ADD2: variants seen among roughly 807,000 people sequenced by gnomAD.
ADD2 encodes beta-adducin.
A neutral mutation model predicts 83.0 loss-of-function variants in ADD2; 23 were observed. That is an observed-to-expected ratio of 0.28 (90% confidence interval 0.20 to 0.39). The LOEUF (loss-of-function observed/expected upper bound fraction) is 0.39, where lower values mean the gene tolerates loss of function less well. ADD2 is among the 10% of genes least tolerant of loss of function. The pLI is 1.00. For synonymous variants in ADD2, 375 were observed against 375.4 expected, an observed-to-expected ratio of 1.00 and a Z score of 0.01; for missense variants, 758 against 944.9, an observed-to-expected ratio of 0.80 and a Z score of 2.59.
At chr2:70,731,222 C>T (rs1673264433) in intron 1 of ADD2, among the ~76,000 whole-genome samples, 1 of 152,076 alleles carries the variant, frequency 6.6e-6, no homozygotes, top group South Asian at 2.1e-4. Flanking sequence ...ACTGATGGGA[C>T]ACCAAAGAGA....
chr2:70,758,774 T>G (rs1168265650), intron 1 of ADD2, among the ~76,000 whole-genome samples: 9 of 152,272 alleles, frequency 5.9e-5, no homozygotes, highest in African/African-American at 1.9e-4. Context: ...CACTCCAGCC[T>G]GGGCAACAGA....
chr2:70,767,641 C>G, intron 1 of ADD2: 16 of 1,329,140 alleles, frequency 1.2e-5, no homozygotes, highest in African/African-American at 1.5e-5. Context: ...GTCCCACCAT[C>G]CCCAAGCAGG....
At chr2:70,758,155 T>C (rs1674894416) in intron 1 of ADD2, among the ~76,000 whole-genome samples, 1 of 152,218 alleles carries the variant, frequency 6.6e-6, no homozygotes, top group Admixed American at 6.5e-5. Context: ...ATTCTGTTTC[T>C]TGAGTAAATA....
rs1328672586 is a variant in ADD2, at chr2:70,657,008, T to C, written c.*6417A>G. On this transcript the variant is annotated 3_prime_UTR_variant, in exon 16 of 16. Coordinates refer to ENST00000264436, the MANE Select transcript of ADD2 (RefSeq NM_001617.4). ...AAACTATACAAAACCAACCCATAAA[T>C]ATATATATATATATAATATGTGTAT... 1.3e-5 allele frequency: 2 copies of C among 148,782 alleles called. No homozygotes were observed. The highest frequency in any genetic ancestry group is 4.9e-5 in the African/African-American group (2 of 40,620). 9.2% of individuals were successfully genotyped at this position (148,782 alleles called of 1,614,324 possible). A position where few individuals can be genotyped will look rare whatever the true frequency, so the allele number is the denominator to read the frequency against.
intron 1 of ADD2, among the ~76,000 whole-genome samples, chr2:70,726,150 G>A (rs959771794): frequency 2.5e-5 from 3 of 120,878 alleles, no homozygotes; most frequent in South Asian, 5.6e-4. Flanking sequence ...TCCCGCCACG[G>A]CACTCCAGCC....
chr2:70,674,774 A>G lies in ADD2; in HGVS notation c.1645T>C (p.Ser549Pro). 1 of 1,614,156 alleles carries G rather than the reference A, an allele frequency of 6.2e-7. No homozygotes were observed. The highest frequency in any genetic ancestry group is 8.5e-7 in the Non-Finnish European group (1 of 1,180,014). ...SKGDEDTKDD[S>P]EETVPNPFSQ... ...AAGGGGTTGGGCACCGTCTCCTCTG[A>G]ATCGTCTTTGGTATCCTCGTCTCCC... The change falls in exon 14 of 16, where the codon TCA becomes CCA. Residue 549 changes from serine (S) to proline (P), a missense_variant. This residue lies in a region of ADD2 where 394 missense variants were observed against 509.3 expected (regional missense o/e 0.77). Transcript: ENST00000264436.
intron 4 of ADD2, among the ~76,000 whole-genome samples, chr2:70,698,483 A>G (rs909777807): frequency 6.6e-6 from 1 of 152,236 alleles, no homozygotes; most frequent in Non-Finnish European, 1.5e-5. Context: ...GACAGACCGA[A>G]TAAGTTCTAG....
intron 4 of ADD2, among the ~76,000 whole-genome samples, chr2:70,697,674 C>A (rs555879408): frequency 1.3e-5 from 2 of 152,218 alleles, no homozygotes; most frequent in South Asian, 2.1e-4. Context: ...TGCTGCAGTA[C>A]GATGTATATC....
chr2:70,665,533 G>A (rs1000207057), intron 15 of ADD2, among the ~76,000 whole-genome samples: 1 of 152,124 alleles, frequency 6.6e-6, no homozygotes, highest in African/African-American at 2.4e-5. Context: ...CCATCTCTCT[G>A]TCCACTCTCC....
chr2:70,727,355 C>T (rs1673057544), intron 1 of ADD2, among the ~76,000 whole-genome samples: 1 of 152,134 alleles, frequency 6.6e-6, no homozygotes, highest in Middle Eastern at 3.2e-3. Flanking sequence ...CTTTCCCCTT[C>T]CTCATCCATC....
rs116159348 is a variant in ADD2, at chr2:70,689,382, A to C, written c.850-1260T>G. Among the ~76,000 whole-genome samples the C allele has an allele frequency of 2.8e-3, 430 of 152,382 alleles. 2 individuals carry two copies. Among genetic ancestry groups the C allele is most frequent in the African/African-American group, 9.6e-3 (398 of 41,596 alleles). ...AGATCCATGTGTCAGATCTGTCTCC[A>C]GGCAGAGCCTGGGCTGAAGCCTGAT... On this transcript the variant is annotated intron_variant, in intron 8 of 15. Transcript: ENST00000264436.
intron 1 of ADD2, among the ~76,000 whole-genome samples, chr2:70,727,823 G>C (rs544575452): frequency 1.8e-4 from 27 of 152,142 alleles, no homozygotes; most frequent in African/African-American, 3.4e-4. Flanking sequence ...TTGAACCCAG[G>C]AGGCTGAGGT....
At chr2:70,675,630 C>T (rs1484754745) in intron 13 of ADD2, 1 of 985,310 alleles carries the variant, frequency 1.0e-6, no homozygotes, top group East Asian at 1.1e-4. Context: ...TGCTCTGAAG[C>T]TGAGGAGCAA....
At chr2:70,664,701 G>T (rs1015872478) in intron 15 of ADD2, among the ~76,000 whole-genome samples, 2 of 152,040 alleles carry the variant, frequency 1.3e-5, no homozygotes, top group African/African-American at 4.8e-5. Context: ...GTGTGGGTGA[G>T]CACGTGTGAG....
At chr2:70,673,406 C>A in intron 14 of ADD2, 2 of 1,200,584 alleles carry the variant, frequency 1.7e-6, no homozygotes, top group South Asian at 2.5e-5. Context: ...CAACCACCAA[C>A]TCCCCTTATT....
chr2:70,671,819 C>T (rs572338467), intron 15 of ADD2, among the ~76,000 whole-genome samples: 12 of 152,224 alleles, frequency 7.9e-5, no homozygotes, highest in South Asian at 4.2e-4. Context: ...AGAATCCACA[C>T]GTGTGGCCGT....
chr2:70,691,830 T>A (rs1671053480), intron 7 of ADD2: 1 of 152,098 alleles, frequency 6.6e-6, no homozygotes, highest in Non-Finnish European at 1.5e-5. Context: ...GGCCTGGGGG[T>A]CAGCAGGATA....
chr2:70,675,601 T>C, intron 13 of ADD2: 1 of 985,480 alleles, frequency 1.0e-6, no homozygotes, highest in South Asian at 4.7e-5. Context: ...CATCCTCATC[T>C]TGGCCTTTGA....
chr2:70,699,860 G>A (rs1359227010), intron 4 of ADD2, among the ~76,000 whole-genome samples: 1 of 152,032 alleles, frequency 6.6e-6, no homozygotes, highest in Non-Finnish European at 1.5e-5. Flanking sequence ...AAATACACCA[G>A]GCAAATATAA....
Sources: gnomAD v4.1 joint callset for allele counts (sites outside exome capture counted in the v4.1 genomes callset) on GRCh38, gnomAD v4.1.1 for gene constraint, gnomAD v4.1.1 regional missense constraint, MANE v1.5 for transcripts, NCBI Gene and HGNC (gene_info 2026-07-23, HGNC 2026-07-21) for gene names.